ZNF609: variants seen among roughly 807,000 people sequenced by gnomAD.
ZNF609 encodes the protein zinc finger protein 609.
A neutral mutation model predicts 109.5 loss-of-function variants in ZNF609; 11 were observed. The ratio of observed to expected loss-of-function variants is 0.10; its 90% CI spans 0.06 to 0.17. The LOEUF is 0.17. Ranked by LOEUF, ZNF609 falls within the 10% of genes least tolerant of loss-of-function variation. ZNF609 has a pLI of 1.00. For synonymous variants in ZNF609, 646 were observed against 662.0 expected, an observed-to-expected ratio of 0.98 and a Z score of 0.37; for missense variants, 1,559 against 1,772.4, an observed-to-expected ratio of 0.88 and a Z score of 2.16.
chr15:64,569,443 T>G (rs542881777), intron 2 of ZNF609, among the ~76,000 whole-genome samples: 6 of 152,370 alleles, frequency 3.9e-5, no homozygotes, highest in African/African-American at 1.4e-4. Flanking sequence ...TGAGATAGTT[T>G]AGGAAAACCT....
At chr15:64,559,936 A>G (rs1017364602) in intron 2 of ZNF609, among the ~76,000 whole-genome samples, 4 of 152,230 alleles carry the variant, frequency 2.6e-5, no homozygotes, top group Non-Finnish European at 1.5e-5. Flanking sequence ...TAAAATGATA[A>G]ACAGAGAAGG....
intron 2 of ZNF609, among the ~76,000 whole-genome samples, chr15:64,562,737 A>C (rs1019367602): frequency 3.1e-5 from 2 of 64,068 alleles, no homozygotes; most frequent in African/African-American, 5.9e-5. Context: ...AGAAGAAGCC[A>C]GCCAAAAAAA....
intron 2 of ZNF609, among the ~76,000 whole-genome samples, chr15:64,535,882 A>G (rs1467022985): frequency 6.6e-6 from 1 of 151,998 alleles, no homozygotes; most frequent in Non-Finnish European, 1.5e-5. Flanking sequence ...ACAGTGTTCA[A>G]GTTATTTTCG....
At chr15:64,464,200 C>CG (rs1406698485) in intron 1 of ZNF609, among the ~76,000 whole-genome samples, 4 of 152,074 alleles carry the variant, frequency 2.6e-5, no homozygotes, top group African/African-American at 9.7e-5. Context: ...GACTGGAACA[C>CG]GATAATTTGT....
At position 64,680,230 on chromosome 15, in the gene ZNF609, A is replaced by G. The variant is rs1435582116; in HGVS notation, c.3815A>G (p.Lys1272Arg). 6.2e-7 allele frequency: 1 copy of G among 1,613,952 alleles called. No individual in the cohort carries two copies. Among genetic ancestry groups the G allele is most frequent in the Non-Finnish European group, 8.5e-7 (1 of 1,180,024 alleles). ...SSYSFSPYGS[K>R]VSGGEDADKA... ...TACTCTTTTTCCCCATATGGCAGCA[A>G]GGTCTCAGGTGGTGAAGATGCTGAC... Residue 1272 changes from lysine (K) to arginine (R), a missense_variant, in exon 7 of 10, where the codon AAG becomes AGG. Coordinates refer to ENST00000326648, the MANE Select transcript of ZNF609 (RefSeq NM_015042.2).
At position 64,463,578 on chromosome 15, in the gene ZNF609, T is replaced by G. The variant is rs188680012; in HGVS notation, c.-128+2740T>G. 2.6e-5 allele frequency among the ~76,000 whole-genome samples: 4 copies of G among 152,348 alleles called. No homozygotes were observed. The East Asian group carries it at 7.7e-4, about 29-fold the overall frequency. ...ATAGGATAGTGTTGAATAAGAACTT[T>G]AGCCTTTGGTTTTGGTAAAGGTCTT... On this transcript the variant is annotated intron_variant, in intron 1 of 9. Coordinates refer to ENST00000326648, the MANE Select transcript of ZNF609 (RefSeq NM_015042.2).
intron 2 of ZNF609, among the ~76,000 whole-genome samples, chr15:64,503,276 C>A (rs1211775955): frequency 6.6e-6 from 1 of 152,172 alleles, no homozygotes; most frequent in East Asian, 1.9e-4. Flanking sequence ...CTCTTAGCAA[C>A]TGCTGCTGCT....
intron 2 of ZNF609, among the ~76,000 whole-genome samples, chr15:64,513,609 C>T (rs1276048362): frequency 6.6e-6 from 1 of 152,182 alleles, no homozygotes; most frequent in African/African-American, 2.4e-5. Flanking sequence ...GAATTCAACA[C>T]AATCAGTTTT....
At chr15:64,470,536 CT>C (rs1358349310) in intron 1 of ZNF609, 1 of 149,592 alleles carries the variant, frequency 6.7e-6, no homozygotes, top group African/African-American at 2.5e-5. Flanking sequence ...TTTTTTTTTT[CT>C]TTTTGAGATG....
At chr15:64,518,838 T>C (rs1034011028) in intron 2 of ZNF609, among the ~76,000 whole-genome samples, 2 of 151,920 alleles carry the variant, frequency 1.3e-5, no homozygotes, top group African/African-American at 2.4e-5. Flanking sequence ...CACTTACTCA[T>C]AGGAGGGAAC....
chr15:64,607,270 G>A (rs143059914), intron 2 of ZNF609, among the ~76,000 whole-genome samples: 1 of 151,756 alleles, frequency 6.6e-6, no homozygotes, highest in African/African-American at 2.4e-5. Flanking sequence ...ATCTGAAAAG[G>A]CTATTAAATA....
chr15:64,555,815 A>T (rs746394314), intron 2 of ZNF609, among the ~76,000 whole-genome samples: 1 of 140,854 alleles, frequency 7.1e-6, no homozygotes, highest in African/African-American at 2.6e-5. Flanking sequence ...TGAACCCAGG[A>T]GGCAGAAGTT....
chr15:64,603,702 C>T (rs994457161), intron 2 of ZNF609, among the ~76,000 whole-genome samples: 3 of 151,796 alleles, frequency 2.0e-5, no homozygotes, highest in African/African-American at 7.3e-5. Context: ...TGAATTTATC[C>T]CTTAAGATTT....
intron 2 of ZNF609, among the ~76,000 whole-genome samples, chr15:64,600,931 T>C (rs2140948051): frequency 1.3e-5 from 2 of 152,296 alleles, no homozygotes; most frequent in South Asian, 4.1e-4. Context: ...ATTTCAGTTC[T>C]GCTTCAGAGT....
intron 1 of ZNF609, among the ~76,000 whole-genome samples, chr15:64,495,899 ACTT>A (rs1227573681): frequency 4.0e-5 from 6 of 151,476 alleles, no homozygotes; most frequent in Non-Finnish European, 8.8e-5. Flanking sequence ...GCTCACTGCA[ACTT>A]CTTCTTCCCA....
Position 64,559,206 on chromosome 15 carries a change from T to C in ZNF609, c.747+59040T>C, listed in dbSNP as rs376250098. ...CCAAGGAGGTGCTTGTTGTTCTGCC[T>C]TAATTGCAACTTCTATTTAGAAAGA... is the stretch of plus-strand genomic sequence containing the variant. On this transcript the variant is annotated intron_variant, in intron 2 of 9. Transcript: ENST00000326648. Among the ~76,000 whole-genome samples, 5 of 152,356 alleles carry C rather than the reference T, an allele frequency of 3.3e-5. No individual in the cohort carries two copies. In the South Asian group the frequency reaches 6.2e-4, roughly 19 times the overall value.
chr15:64,619,957 A>G (rs1414746764), intron 2 of ZNF609, among the ~76,000 whole-genome samples: 1 of 152,200 alleles, frequency 6.6e-6, no homozygotes, highest in Non-Finnish European at 1.5e-5. Flanking sequence ...GGAGCACTGA[A>G]TAACCTAGCA....
rs887294119 is a variant in ZNF609 at position 64,680,764 on chromosome 15, G to C, written c.4064G>C (p.Arg1355Pro). Residue 1355 changes from arginine (R) to proline (P), a missense_variant, in exon 8 of 10, where the codon CGC becomes CCC. Around this residue, in one of 4 missense-constraint regions of ZNF609, gnomAD observed 1,204 missense variants for 1,314.1 expected, o/e 0.92. Coordinates refer to ENST00000326648, the MANE Select transcript of ZNF609 (RefSeq NM_015042.2). ...SGGERSVDRP[R>P]TSPSQRLMST... Reference sequence around the variant, plus strand: ...GGTGAACGGAGTGTTGACCGGCCCCGCACCTCTCCTTCCCAGCGCCTGATG... The same window carrying C: ...GGTGAACGGAGTGTTGACCGGCCCCCCACCTCTCCTTCCCAGCGCCTGATG... The C allele has an allele frequency of 1.2e-6, 2 of 1,613,572 alleles. No individual in the cohort carries two copies. The highest frequency in any genetic ancestry group is 1.7e-5 in the Admixed American group (1 of 59,998).
In ZNF609 at chr15:64,585,323, G is replaced by GA. The variant is rs79027116; in HGVS notation, c.748-37494dup. On this transcript the variant is annotated intron_variant, in intron 2 of 9. Transcript: ENST00000326648. ...CTGGGTGACAGAGCGAGACTCTGGGGAAAAAAAAAATCCAACCTGAGCTTG... is the reference window on the plus strand; with the variant it reads ...CTGGGTGACAGAGCGAGACTCTGGGGAAAAAAAAAAATCCAACCTGAGCTTG... 3.9e-4 allele frequency among the ~76,000 whole-genome samples: 58 copies of GA among 149,238 alleles called. No homozygotes were observed. The East Asian group carries it at 4.9e-3, about 13-fold the overall frequency.
Sources: gnomAD v4.1 joint callset for allele counts (sites outside exome capture counted in the v4.1 genomes callset) on GRCh38, gnomAD v4.1.1 for gene constraint, gnomAD v4.1.1 regional missense constraint, MANE v1.5 for transcripts, NCBI Gene and HGNC (gene_info 2026-07-23, HGNC 2026-07-21) for gene names.